The following LRP2 variants were observed in gnomAD, a reference collection of about 807,000 sequenced individuals.
LRP2 encodes low-density lipoprotein receptor-related protein 2.
In LRP2, 172 loss-of-function variants were observed where a neutral mutation model predicts 531.0. The ratio of observed to expected loss-of-function variants is 0.32; its 90% CI spans 0.29 to 0.37. The LOEUF is 0.37. Ranked by LOEUF, LRP2 falls within the 10% of genes least tolerant of loss-of-function variation. The pLI is 1.00. For synonymous variants in LRP2, 1,992 were observed against 2,027.6 expected (o/e 0.98, Z 0.47); for missense variants, 5,167 against 5,868.3 (o/e 0.88, Z 3.90).
intron 4 of LRP2, among the ~76,000 whole-genome samples, chr2:169,300,229 A>G (rs189853308): frequency 6.6e-6 from 1 of 152,232 alleles, no homozygotes; most frequent in Admixed American, 6.5e-5. Context: ...GTGAAATTAC[A>G]GCTATTAAAG....
chr2:169,202,979 G>A lies in LRP2; in HGVS notation c.8006-20C>T. ...TTGGACCTGAAGAAAGATAATCCCA[G>A]AAGAAGTAAAAGATGGATGCAGCCA... On this transcript the variant is annotated intron_variant, in intron 42 of 78. Coordinates refer to ENST00000649046, the MANE Select transcript of LRP2 (RefSeq NM_004525.3). 1.2e-6 allele frequency: 2 copies of A among 1,610,264 alleles called. No homozygotes were observed. The highest frequency in any genetic ancestry group is 1.7e-6 in the Non-Finnish European group (2 of 1,176,894).
chr2:169,301,205 C>T (rs745725396), intron 4 of LRP2, among the ~76,000 whole-genome samples: 6 of 151,940 alleles, frequency 3.9e-5, no homozygotes, highest in Admixed American at 1.3e-4. Flanking sequence ...CTTGAAAAAG[C>T]AAAATAATCT....
At chr2:169,153,789 G>T (rs1054497708) in intron 66 of LRP2, among the ~76,000 whole-genome samples, 7 of 152,110 alleles carry the variant, frequency 4.6e-5, no homozygotes, top group African/African-American at 1.7e-4. Context: ...CTACCCTACT[G>T]TCATCTCCCC....
intron 3 of LRP2, among the ~76,000 whole-genome samples, chr2:169,309,581 A>G (rs1342492987): frequency 6.6e-6 from 1 of 152,086 alleles, no homozygotes; most frequent in East Asian, 1.9e-4. Flanking sequence ...CCATTGGTCT[A>G]TATCTGTGTT....
chr2:169,327,228 A>T (rs1255431595), intron 1 of LRP2, among the ~76,000 whole-genome samples: 1 of 96,318 alleles, frequency 1.0e-5, no homozygotes, highest in Non-Finnish European at 2.0e-5. Flanking sequence ...TCCGGGAGGG[A>T]GGTGGGGGGG....
In LRP2 at chr2:169,358,356, G is replaced by GA. The variant is rs751144143; in HGVS notation, c.79+3964dup. Among the ~76,000 whole-genome samples, 595 of 148,590 alleles carry GA rather than the reference G, an allele frequency of 4.0e-3. 19 individuals carry two copies. The East Asian group carries it at 0.079, about 20-fold the overall frequency. On this transcript the variant is annotated intron_variant, in intron 1 of 78. Transcript: ENST00000649046. ...TCCTGGGCTAATTGCTTATCTGTAAGAAAAAAAAAATGCAAGCAGACCAGT... is the reference window on the plus strand; with the variant it reads ...TCCTGGGCTAATTGCTTATCTGTAAGAAAAAAAAAAATGCAAGCAGACCAGT...
At position 169,139,326 on chromosome 2, in the gene LRP2, C is replaced by G; in HGVS notation, c.13313G>C (p.Gly4438Ala). ...GAAGAATCCTGCAATTGCCAGAGCT[C>G]CAATTACGACGATCAAGAGGATTGT... is the stretch of plus-strand genomic sequence containing the variant. Reference protein sequence around the residue: ...LLTILLIVVIGALAIAGFFHY... With the variant: ...LLTILLIVVIAALAIAGFFHY... The change falls in exon 74 of 79, where the codon GGA becomes GCA. Residue 4438 changes from glycine (G) to alanine (A), a missense_variant. By Grantham distance (60) the Gly-to-Ala change is moderately conservative. This residue lies in a region of LRP2 where 348 missense variants were observed against 369.3 expected (regional missense o/e 0.94). Coordinates refer to ENST00000649046, the MANE Select transcript of LRP2 (RefSeq NM_004525.3). 1 of 1,614,132 alleles carries G rather than the reference C, an allele frequency of 6.2e-7. No individual in the cohort carries two copies. Among genetic ancestry groups the G allele is most frequent in the Non-Finnish European group, 8.5e-7 (1 of 1,180,014 alleles).
At chr2:169,216,188 A>G (rs1309464362) in intron 35 of LRP2, 65 bp downstream of exon 35, 156 of 1,547,252 alleles carry the variant, frequency 1.0e-4, no homozygotes, top group Non-Finnish European at 1.3e-4. Context: ...CTGACAGCTC[A>G]GAACACTCAG....
chr2:169,206,080 C>T lies in LRP2; in HGVS notation c.7499G>A (p.Arg2500His), dbSNP rs199910334. ...TTTTGGAACGCGGGCTATCACAGTG[C>T]GGTTAGACCCATCTTCAGCCATGGA... ...INSMAEDGSN[R>H]TVIARVPKPR... The change falls in exon 40 of 79, where the codon CGC becomes CAC. Residue 2500 changes from arginine (R) to histidine (H), a missense_variant. Arg to His is a conservative substitution (Grantham distance 29). Around this residue, in one of 6 missense-constraint regions of LRP2, gnomAD observed 1,129 missense variants for 1,362.7 expected, o/e 0.83. Transcript: ENST00000649046. 3.4e-5 allele frequency: 55 copies of T among 1,614,150 alleles called. No individual in the cohort carries two copies. Among genetic ancestry groups the T allele is most frequent in the East Asian group, 2.0e-4 (9 of 44,880 alleles).
At chr2:169,287,613 A>C in intron 9 of LRP2, among the ~76,000 whole-genome samples, 1 of 151,202 alleles carries the variant, frequency 6.6e-6, no homozygotes, top group Non-Finnish European at 1.5e-5. Context: ...GTATCAATAC[A>C]TTTTTCTGTT....
intron 31 of LRP2, among the ~76,000 whole-genome samples, chr2:169,227,288 T>G (rs1396089761): frequency 2.0e-5 from 3 of 152,224 alleles, no homozygotes; most frequent in African/African-American, 7.2e-5. Flanking sequence ...GATGACCATA[T>G]GACTGCATTA....
In LRP2 at chr2:169,290,870, G is replaced by C; in HGVS notation, c.897C>G (p.Asn299Lys). 1 of 1,614,100 alleles carries C rather than the reference G, an allele frequency of 6.2e-7. No individual in the cohort carries two copies. The change falls in exon 8 of 79, where the codon AAC becomes AAG. Residue 299 changes from asparagine (N) to lysine (K), a missense_variant. By Grantham distance (94) the Asn-to-Lys change is moderately conservative (BLOSUM62 0). Transcript: ENST00000649046. ...ILDCPGREDENNTSTGKYCSM... is the reference protein window; with the variant it reads ...ILDCPGREDEKNTSTGKYCSM... ...TACAGTATTTTCCGGTACTAGTGTT[G>C]TTTTCATCTTCTCTTCCTGGGCAAT... is the stretch of plus-strand genomic sequence containing the variant.
In LRP2 at chr2:169,237,123, T is replaced by C; in HGVS notation, c.4671A>G (p.Leu1557=). The C allele has an allele frequency of 6.2e-7, 1 of 1,613,964 alleles. No individual in the cohort carries two copies. Among genetic ancestry groups the C allele is most frequent in the African/African-American group, 1.3e-5 (1 of 75,044 alleles). Residue 1557 remains leucine (L), a synonymous_variant, in exon 28 of 79, where the codon CTA becomes CTG. Transcript: ENST00000649046. ...CTTACTTCATTCTGGGATCTAATGCTAGTCCTCTTGGATTTGTTAGGTTTT... is the reference window on the plus strand; with the variant it reads ...CTTACTTCATTCTGGGATCTAATGCCAGTCCTCTTGGATTTGTTAGGTTTT... ...ISKNLTNPRG[L]ALDPRMNEHL...
At chr2:169,326,985 G>A (rs1175994538) in intron 1 of LRP2, among the ~76,000 whole-genome samples, 1 of 88,914 alleles carries the variant, frequency 1.1e-5, no homozygotes, top group African/African-American at 4.9e-5. Flanking sequence ...CCCAGCATCC[G>A]CCCCATCTGA....
chr2:169,357,008 C>T (rs1686005974), intron 1 of LRP2, among the ~76,000 whole-genome samples: 1 of 151,986 alleles, frequency 6.6e-6, no homozygotes, highest in African/African-American at 2.4e-5. Flanking sequence ...AATAAATATT[C>T]ATGGAAAAAA....
intron 3 of LRP2, among the ~76,000 whole-genome samples, chr2:169,309,667 A>T (rs1394691881): frequency 6.6e-6 from 1 of 152,150 alleles, no homozygotes; most frequent in East Asian, 1.9e-4. Context: ...TGATGCCTCC[A>T]GCTTTGTTCT....
In LRP2 at chr2:169,356,909, G is replaced by A. The variant is rs369472764; in HGVS notation, c.79+5412C>T. 3.3e-5 allele frequency among the ~76,000 whole-genome samples: 5 copies of A among 152,258 alleles called. No homozygotes were observed. The East Asian group carries it at 9.6e-4, about 29-fold the overall frequency. On this transcript the variant is annotated intron_variant, in intron 1 of 78. Coordinates refer to ENST00000649046, the MANE Select transcript of LRP2 (RefSeq NM_004525.3). ...AAACTGCAGTCCATTTTAATTGCGA[G>A]ATATGTAGACACCTCTTTTCAGTTC...
chr2:169,197,166 G>T, intron 45 of LRP2, 136 bp from the exon 46 acceptor site: 1 of 1,017,890 alleles, frequency 9.8e-7, no homozygotes, highest in Non-Finnish European at 1.5e-6. Flanking sequence ...ATGGATGCTT[G>T]TGTAAGCTTT....
rs1197814938 is a variant in LRP2, at chr2:169,137,439, T to C, written c.13573A>G (p.Met4525Val). The C allele has an allele frequency of 5.6e-6, 9 of 1,613,904 alleles. No homozygotes were observed. The highest frequency in any genetic ancestry group is 4.4e-5 in the South Asian group (4 of 91,084). The change falls in exon 76 of 79, where the codon ATG (methionine) becomes GTG (valine). Residue 4525 changes from methionine to valine, a missense_variant. Met to Val is a conservative substitution (Grantham distance 21). Coordinates refer to ENST00000649046, the MANE Select transcript of LRP2 (RefSeq NM_004525.3). ...ACAGCACTGTCTCTGGCTGAGTACA[T>C]TGGGTTTTCAAATATTATGGGCTGC... ...GKQPIIFENP[M>V]YSARDSAVKV...
Sources: allele counts gnomAD v4.1 joint callset (sites outside exome capture counted in the v4.1 genomes callset), GRCh38; gene constraint gnomAD v4.1.1; regional missense constraint gnomAD v4.1.1; transcripts MANE v1.5; gene names NCBI Gene and HGNC (gene_info 2026-07-23, HGNC 2026-07-21).